Variants in PHKB observed in about 807,000 individuals in gnomAD.
PHKB encodes phosphorylase kinase regulatory subunit beta, also known as phosphorylase b kinase regulatory subunit beta.
In PHKB, 122 loss-of-function variants were observed where a neutral mutation model predicts 152.1. That is an observed-to-expected ratio of 0.80 (90% CI 0.69 to 0.93). PHKB has a LOEUF of 0.93. Ranked by LOEUF, PHKB falls within the 40% of genes least tolerant of loss-of-function variation. The pLI, the probability that PHKB is intolerant of heterozygous loss-of-function variation, is 0.00. For missense variants in PHKB, 1,304 were observed against 1,328.4 expected, an observed-to-expected ratio of 0.98 and a Z score of 0.29; for synonymous variants, 436 against 464.9, an observed-to-expected ratio of 0.94 and a Z score of 0.80.
chr16:47,651,933 G>A (rs995701483), intron 20 of PHKB, among the ~76,000 whole-genome samples: 1 of 151,860 alleles, frequency 6.6e-6, no homozygotes, highest in Admixed American at 6.6e-5. Context: ...TTTGCATGTT[G>A]GCTATCATGT....
At chr16:47,667,830 A>G (rs1432536111) in intron 25 of PHKB, among the ~76,000 whole-genome samples, 2 of 152,182 alleles carry the variant, frequency 1.3e-5, no homozygotes, top group Non-Finnish European at 2.9e-5. Flanking sequence ...TCCAATCTAC[A>G]CAATATCTAA....
At chr16:47,498,770 C>G (rs368611964) in intron 2 of PHKB, among the ~76,000 whole-genome samples, 3 of 152,066 alleles carry the variant, frequency 2.0e-5, no homozygotes, top group African/African-American at 4.8e-5. Flanking sequence ...GGCATGGTGG[C>G]GATTGCCTGT....
chr16:47,528,583 A>C (rs763916667), intron 6 of PHKB, among the ~76,000 whole-genome samples: 7 of 152,026 alleles, frequency 4.6e-5, no homozygotes, highest in Admixed American at 6.6e-5. Flanking sequence ...TTTTGGAAAC[A>C]TGGAGAATGA....
chr16:47,686,698 G>T (rs1179340297), intron 26 of PHKB, among the ~76,000 whole-genome samples: 1 of 152,108 alleles, frequency 6.6e-6, no homozygotes, highest in African/African-American at 2.4e-5. Context: ...TCATTATTTA[G>T]TGGGTATAAG....
intron 6 of PHKB, among the ~76,000 whole-genome samples, chr16:47,516,577 C>T (rs989200898): frequency 6.6e-6 from 1 of 152,126 alleles, no homozygotes; most frequent in African/African-American, 2.4e-5. Context: ...GTTACTATTC[C>T]TCTCCTGTGA....
At chr16:47,569,252 T>C (rs1278534704) in intron 7 of PHKB, among the ~76,000 whole-genome samples, 1 of 152,258 alleles carries the variant, frequency 6.6e-6, no homozygotes, top group Non-Finnish European at 1.5e-5. Context: ...GTTGAATTGT[T>C]CTGTTATAAT....
Position 47,461,370 on chromosome 16 carries a change from T to C in PHKB, c.20T>C (p.Leu7Pro). 6.2e-7 allele frequency: 1 copy of C among 1,611,966 alleles called. No homozygotes were observed. The highest frequency in any genetic ancestry group is 8.5e-7 in the Non-Finnish European group (1 of 1,179,540). ...AGCGCGATGGCGGGGGCGGCGGGAC[T>C]CACGGCAGAAGTGAGCTGGAAGGTC... Reference protein sequence around the residue: MAGAAGLTAEVSWKVLE... With the variant: MAGAAGPTAEVSWKVLE... Residue 7 changes from leucine to proline, a missense_variant, in exon 1 of 31, where the codon CTC becomes CCC. Coordinates refer to ENST00000323584, the MANE Select transcript of PHKB (RefSeq NM_000293.3).
chr16:47,503,168 C>T, intron 4 of PHKB, 78 bp downstream of exon 4: 2 of 1,003,182 alleles, frequency 2.0e-6, no homozygotes, highest in Middle Eastern at 2.0e-4. Context: ...ATGGTTTCTT[C>T]TGAAGAAGAA....
intron 25 of PHKB, among the ~76,000 whole-genome samples, chr16:47,667,984 T>C (rs1973569016): frequency 6.6e-6 from 1 of 152,156 alleles, no homozygotes; most frequent in South Asian, 2.1e-4. Flanking sequence ...TGGGCAAGAC[T>C]CGGAGGCCAG....
intron 26 of PHKB, among the ~76,000 whole-genome samples, chr16:47,686,274 T>G (rs1973964015): frequency 6.6e-6 from 1 of 152,218 alleles, no homozygotes; most frequent in Non-Finnish European, 1.5e-5. Flanking sequence ...TTTTAATAAC[T>G]CAAGTTAGTG....
At chr16:47,507,267 G>T (rs1014781557) in intron 4 of PHKB, among the ~76,000 whole-genome samples, 8 of 151,782 alleles carry the variant, frequency 5.3e-5, no homozygotes, top group Admixed American at 2.0e-4. Context: ...GAGCCACCAT[G>T]CCTGGCCAAC....
chr16:47,623,952 T>C lies in PHKB; in HGVS notation c.1458+13032T>C, dbSNP rs938530552. Among the ~76,000 whole-genome samples, 6 of 152,184 alleles carry C rather than the reference T, an allele frequency of 3.9e-5. No individual in the cohort carries two copies. In the East Asian group the frequency reaches 7.7e-4, roughly 20 times the overall value. Reference sequence around the variant, plus strand: ...TGTGTCCTATACTTCTTAAGAATGGTATTGAATTAGAAATATCAGAATATA... The same window carrying C: ...TGTGTCCTATACTTCTTAAGAATGGCATTGAATTAGAAATATCAGAATATA... On this transcript the variant is annotated intron_variant, in intron 14 of 30. Transcript: ENST00000323584.
At chr16:47,563,728 G>A (rs1971515097) in intron 7 of PHKB, among the ~76,000 whole-genome samples, 1 of 152,044 alleles carries the variant, frequency 6.6e-6, no homozygotes, top group South Asian at 2.1e-4. Flanking sequence ...TTATACTGAG[G>A]AAGTCTGGGC....
intron 8 of PHKB, among the ~76,000 whole-genome samples, chr16:47,586,396 C>CT (rs1264886264): frequency 7.2e-5 from 11 of 152,208 alleles, no homozygotes; most frequent in African/African-American, 2.7e-4. Context: ...TACCATTCAT[C>CT]TGGTGGTTGA....
chr16:47,497,320 T>G, intron 1 of PHKB, 79 bp from the exon 2 acceptor site: 2 of 871,950 alleles, frequency 2.3e-6, no homozygotes, highest in South Asian at 1.4e-5. Flanking sequence ...AAGCACTGCT[T>G]CTTCATTTGT....
chr16:47,625,166 C>T (rs1170370613), intron 14 of PHKB, among the ~76,000 whole-genome samples: 2 of 152,228 alleles, frequency 1.3e-5, no homozygotes, highest in Non-Finnish European at 2.9e-5. Context: ...CAGGCTCCAA[C>T]TAATCTCCAT....
chr16:47,580,489 C>T lies in PHKB; in HGVS notation c.774+131C>T, dbSNP rs1971824431. ...ATTTATGTAGAAGCTCATGCTTGAA[C>T]TTTTCCTTTGAAAATGATTTGCCAG... On this transcript the variant is annotated intron_variant, in intron 8 of 30. Coordinates refer to ENST00000323584, the MANE Select transcript of PHKB (RefSeq NM_000293.3). 4 of 604,046 alleles carry T rather than the reference C, an allele frequency of 6.6e-6. No homozygotes were observed. The East Asian group carries it at 1.2e-4, about 19-fold the overall frequency. 37.4% of individuals were successfully genotyped at this position (604,046 alleles called of 1,614,324 possible).
At chr16:47,679,216 T>C (rs1427443959) in intron 26 of PHKB, among the ~76,000 whole-genome samples, 1 of 152,220 alleles carries the variant, frequency 6.6e-6, no homozygotes, top group African/African-American at 2.4e-5. Context: ...TGCCTCCAGC[T>C]TTGTTCTTTT....
chr16:47,500,528 A>G (rs1348607973), intron 3 of PHKB, among the ~76,000 whole-genome samples: 1 of 152,212 alleles, frequency 6.6e-6, no homozygotes, highest in African/African-American at 2.4e-5. Context: ...TGTTGCAGAT[A>G]ATAAAATTAG....
Sources: allele counts gnomAD v4.1 joint callset (sites outside exome capture counted in the v4.1 genomes callset), GRCh38; gene constraint gnomAD v4.1.1; transcripts MANE v1.5; gene names NCBI Gene and HGNC (gene_info 2026-07-23, HGNC 2026-07-21).